The following FKBP5 variants were observed in gnomAD, a reference collection of about 807,000 sequenced individuals.
FKBP5 encodes peptidyl-prolyl cis-trans isomerase FKBP5.
Under a neutral mutation model 50.5 loss-of-function variants are expected in FKBP5, and 23 were observed. The ratio of observed to expected loss-of-function variants is 0.46; its 90% confidence interval spans 0.33 to 0.65. FKBP5 has a LOEUF of 0.65. FKBP5 is among the 30% of genes least tolerant of loss of function. The pLI is 0.02. For synonymous variants in FKBP5, 176 were observed against 190.6 expected, an observed-to-expected ratio of 0.92 and a Z score of 0.63; for missense variants, 411 against 553.1, an observed-to-expected ratio of 0.74 and a Z score of 2.58.
At chr6:35,683,324 A>G (rs1295020534) in intron 1 of FKBP5, among the ~76,000 whole-genome samples, 5 of 151,738 alleles carry the variant, frequency 3.3e-5, no homozygotes, top group Non-Finnish European at 5.9e-5. Context: ...GGAGAACTTT[A>G]TATTTTTTGT....
In FKBP5 at chr6:35,602,175, G is replaced by C. The variant is rs771083516; in HGVS notation, c.509-4771C>G. Among the ~76,000 whole-genome samples the C allele has an allele frequency of 7.4e-4, 113 of 152,250 alleles. 2 individuals are homozygous for C. The highest frequency in any genetic ancestry group is 5.6e-4 in the Non-Finnish European group (38 of 68,014). On this transcript the variant is annotated intron_variant, in intron 5 of 10. Coordinates refer to ENST00000357266, the MANE Select transcript of FKBP5 (RefSeq NM_004117.4). ...AAAATAGGGGGGAAAAAAGGAAAGA[G>C]AGTGCACAGCAGTAACAAAAATGAA...
chr6:35,718,472 C>T (rs538008564), intron 2 of FKBP5, among the ~76,000 whole-genome samples: 5 of 152,302 alleles, frequency 3.3e-5, no homozygotes, highest in South Asian at 2.1e-4. Flanking sequence ...TTCTTATCCC[C>T]ATCTAGGGCT....
intron 3 of FKBP5, among the ~76,000 whole-genome samples, chr6:35,628,390 G>A (rs1038514433): frequency 6.6e-6 from 1 of 152,050 alleles, no homozygotes; most frequent in Non-Finnish European, 1.5e-5. Flanking sequence ...TTTTCATATG[G>A]GAGTAGAAAA....
At chr6:35,665,293 C>CTT (rs370647403) in intron 1 of FKBP5, among the ~76,000 whole-genome samples, 127 of 142,784 alleles carry the variant, frequency 8.9e-4, no homozygotes, top group Admixed American at 1.5e-3. Context: ...AAATGCTCCT[C>CTT]TTTTTTTTTT....
intron 1 of FKBP5, among the ~76,000 whole-genome samples, chr6:35,677,941 A>G (rs965048333): frequency 6.6e-6 from 1 of 152,014 alleles, no homozygotes; most frequent in Non-Finnish European, 1.5e-5. Context: ...GCGCCCCCAC[A>G]CTGAGGCCTT....
Position 35,597,398 on chromosome 6 carries a change from A to G in FKBP5, c.515T>C (p.Leu172Pro), listed in dbSNP as rs768217481. 6.2e-7 allele frequency: 1 copy of G among 1,613,498 alleles called. No individual in the cohort carries two copies. The highest frequency in any genetic ancestry group is 1.1e-5 in the South Asian group (1 of 90,974). The change falls in exon 6 of 11, where the codon CTG becomes CCG. Residue 172 changes from leucine (L) to proline (P), a missense_variant. By Grantham distance (98) the Leu-to-Pro change is moderately conservative. Transcript: ENST00000357266. ...CATCCTTCCACCACAGCGGCCTTCCAGGTGGACTGAGGGCAAGGAGACAGG... is the reference window on the plus strand; with the variant it reads ...CATCCTTCCACCACAGCGGCCTTCCGGGTGGACTGAGGGCAAGGAGACAGG... ...PNEGATVEIH[L>P]EGRCGGRMFD...
intron 3 of FKBP5, among the ~76,000 whole-genome samples, chr6:35,632,895 GAAAAAAAAA>G (rs998925352): frequency 1.1e-5 from 1 of 94,194 alleles, no homozygotes; most frequent in Non-Finnish European, 2.3e-5. Flanking sequence ...GTCTCAGAAA[GAAAAAAAAA>G]AAAAGAAAAG....
intron 5 of FKBP5, among the ~76,000 whole-genome samples, chr6:35,616,265 C>T (rs1033822584): frequency 7.8e-5 from 10 of 128,822 alleles, no homozygotes; most frequent in Admixed American, 6.8e-4. Flanking sequence ...CAGTGAGCTG[C>T]GATAGCATCA....
intron 1 of FKBP5, among the ~76,000 whole-genome samples, chr6:35,657,359 T>C (rs1764984100): frequency 6.6e-6 from 1 of 152,224 alleles, no homozygotes; most frequent in Non-Finnish European, 1.5e-5. Flanking sequence ...CTGCATTCCT[T>C]CTGGAGGCTC....
chr6:35,667,015 G>A (rs1005894890), intron 1 of FKBP5, among the ~76,000 whole-genome samples: 2 of 85,892 alleles, frequency 2.3e-5, no homozygotes, highest in African/African-American at 9.8e-5. Flanking sequence ...TTTTGTGTGT[G>A]TGTCTGTGTG....
chr6:35,579,328 C>T (rs1431938576), intron 9 of FKBP5, among the ~76,000 whole-genome samples: 1 of 152,116 alleles, frequency 6.6e-6, no homozygotes, highest in Non-Finnish European at 1.5e-5. Flanking sequence ...TTTTCTTATC[C>T]TTTTATGTCT....
At chr6:35,698,214 T>C (rs1766116844) in intron 2 of FKBP5, among the ~76,000 whole-genome samples, 3 of 152,106 alleles carry the variant, frequency 2.0e-5, no homozygotes, top group Admixed American at 2.0e-4. Context: ...TGGTGCCGCA[T>C]GCCTGTAATC....
intron 1 of FKBP5, among the ~76,000 whole-genome samples, chr6:35,656,244 G>A (rs1764944975): frequency 6.6e-6 from 1 of 152,086 alleles, no homozygotes. Flanking sequence ...ATAAAAATAT[G>A]GAAGGAAGAA....
chr6:35,659,248 ATT>A (rs1171151862), intron 1 of FKBP5, among the ~76,000 whole-genome samples: 1 of 68,558 alleles, frequency 1.5e-5, no homozygotes, highest in Admixed American at 1.5e-4. Context: ...TGGGAATTCA[ATT>A]TTTTTTTTTT....
intron 1 of FKBP5, among the ~76,000 whole-genome samples, chr6:35,665,110 C>T (rs148737749): frequency 3.9e-5 from 6 of 152,146 alleles, no homozygotes; most frequent in African/African-American, 7.2e-5. Context: ...TACCTCCAGA[C>T]GGCTCACTCA....
intron 1 of FKBP5, among the ~76,000 whole-genome samples, chr6:35,723,150 T>C (rs2151025293): frequency 6.6e-6 from 1 of 152,210 alleles, no homozygotes; most frequent in South Asian, 2.1e-4. Flanking sequence ...GGAGAATTGC[T>C]TGAATCCGGG....
At chr6:35,689,713 C>T (rs999998077), upstream of FKBP5, among the ~76,000 whole-genome samples, 3 of 151,906 alleles carry the variant, frequency 2.0e-5, no homozygotes, top group African/African-American at 7.3e-5. Context: ...TGGTGGCGCG[C>T]GCCGTCCCAG....
rs189925489 is a variant in FKBP5 at position 35,598,265 on chromosome 6, C to G, written c.509-861G>C. On this transcript the variant is annotated intron_variant, in intron 5 of 10. Transcript: ENST00000357266. ...AGACGCAGTCTTGCTCTGTCTCACC[C>G]AGGCTGGAGTGCAGTGGCGTGATAT... 6.8e-4 allele frequency among the ~76,000 whole-genome samples: 103 copies of G among 152,300 alleles called. 1 individual carries two copies. The highest frequency in any genetic ancestry group is 5.6e-3 in the South Asian group (27 of 4,828).
chr6:35,589,106 A>ATT (rs1185347622), intron 7 of FKBP5, among the ~76,000 whole-genome samples: 26 of 112,362 alleles, frequency 2.3e-4, no homozygotes, highest in Admixed American at 3.8e-4. Context: ...ATATATATAT[A>ATT]TTTTTATATA....
Sources: allele counts gnomAD v4.1 joint callset (sites outside exome capture counted in the v4.1 genomes callset), GRCh38; gene constraint gnomAD v4.1.1; transcripts MANE v1.5; gene names NCBI Gene and HGNC (gene_info 2026-07-23, HGNC 2026-07-21).